Variants in GALNT13 observed in about 807,000 individuals in gnomAD.
GALNT13 encodes the protein polypeptide N-acetylgalactosaminyltransferase 13, also known as UDP-GalNAc:polypeptide N-acetylgalactosaminyltransferase 13.
A neutral mutation model predicts 64.2 loss-of-function variants in GALNT13; 28 were observed. The observed-to-expected ratio is 0.44, with a 90% CI of 0.32 to 0.60. The LOEUF is 0.60. Among genes scored for constraint, GALNT13 ranks in the 20% least tolerant of loss-of-function variants. GALNT13 has a pLI of 0.05. For missense variants in GALNT13, 577 were observed against 669.8 expected (o/e 0.86, Z 1.53); for synonymous variants, 214 against 224.6 (o/e 0.95, Z 0.42).
At chr2:153,196,572 A>G in the GALNT13 span, among the ~76,000 whole-genome samples, 1 of 151,928 alleles carries the variant, frequency 6.6e-6, no homozygotes, top group East Asian at 2.0e-4. Flanking sequence ...GAGATGCCTG[A>G]GTCCTGCACC....
chr2:154,033,238 C>T (rs1698454049), intron 3 of GALNT13, among the ~76,000 whole-genome samples: 1 of 151,752 alleles, frequency 6.6e-6, no homozygotes, highest in South Asian at 2.1e-4. Context: ...TGAAGAAATA[C>T]AATATTTGTA....
At chr2:153,260,430 T>C in the GALNT13 span, among the ~76,000 whole-genome samples, 1 of 152,226 alleles carries the variant, frequency 6.6e-6, no homozygotes, top group South Asian at 2.1e-4. Context: ...GGAAAGTCTT[T>C]ATTTCTCCTT....
chr2:153,718,413 G>C, the GALNT13 span, among the ~76,000 whole-genome samples: 1 of 150,620 alleles, frequency 6.6e-6, no homozygotes, highest in Non-Finnish European at 1.5e-5. Flanking sequence ...AAGCTTAAAG[G>C]GTTTTTTTTT....
At chr2:153,927,901 G>C (rs1444542520) in intron 2 of GALNT13, among the ~76,000 whole-genome samples, 2 of 152,056 alleles carry the variant, frequency 1.3e-5, no homozygotes, top group African/African-American at 4.8e-5. Flanking sequence ...TAAGAAAAGA[G>C]TGCATTTATT....
chr2:154,133,072 G>C (rs1021821141), intron 3 of GALNT13, among the ~76,000 whole-genome samples: 3 of 152,002 alleles, frequency 2.0e-5, no homozygotes, highest in Admixed American at 6.6e-5. Flanking sequence ...TATTGGCTTT[G>C]GCATATAACC....
the GALNT13 span, among the ~76,000 whole-genome samples, chr2:153,569,598 G>A: frequency 4.6e-5 from 7 of 151,852 alleles, no homozygotes; most frequent in South Asian, 1.5e-3. Context: ...TACATGAGAT[G>A]TTTTGATGCA....
chr2:153,243,648 G>C, the GALNT13 span, among the ~76,000 whole-genome samples: 2 of 152,346 alleles, frequency 1.3e-5, no homozygotes, highest in East Asian at 3.9e-4. Context: ...GCCTGGTTTA[G>C]AAAGTTAGAG....
the GALNT13 span, among the ~76,000 whole-genome samples, chr2:153,712,689 G>A: frequency 7.2e-5 from 11 of 152,204 alleles, no homozygotes; most frequent in East Asian, 1.9e-3. Flanking sequence ...AAATTCACAA[G>A]CAACTTTGAG....
At chr2:153,442,780 GCGGT>G in the GALNT13 span, among the ~76,000 whole-genome samples, 2 of 152,156 alleles carry the variant, frequency 1.3e-5, no homozygotes, top group African/African-American at 4.8e-5. Context: ...TCTGACTACA[GCGGT>G]TTTGCTGAGC....
chr2:153,716,444 A>C, the GALNT13 span, among the ~76,000 whole-genome samples: 2 of 152,128 alleles, frequency 1.3e-5, no homozygotes, highest in African/African-American at 2.4e-5. Flanking sequence ...AGTGTGGCCC[A>C]GGGAAACCAA....
chr2:154,026,688 C>T lies in GALNT13; in HGVS notation c.142+82049C>T, dbSNP rs188217654. ...GTAACAGTCCTGTTGGATTAGGGCC[C>T]CACTCTTATGACCTCATTTAACCTT... On this transcript the variant is annotated intron_variant, in intron 3 of 12. Coordinates refer to ENST00000392825, the MANE Select transcript of GALNT13 (RefSeq NM_052917.4). Among the ~76,000 whole-genome samples, 18 of 152,204 alleles carry T rather than the reference C, an allele frequency of 1.2e-4. No individual in the cohort carries two copies. The East Asian group carries it at 3.5e-3, about 29-fold the overall frequency.
At chr2:153,661,882 A>T in the GALNT13 span, among the ~76,000 whole-genome samples, 12 of 152,220 alleles carry the variant, frequency 7.9e-5, no homozygotes, top group Admixed American at 2.6e-4. Context: ...TTTCATCATA[A>T]GCATGTTGAT....
the GALNT13 span, among the ~76,000 whole-genome samples, chr2:153,136,131 T>G: frequency 2.6e-5 from 4 of 152,068 alleles, no homozygotes; most frequent in South Asian, 4.1e-4. Context: ...AACATTTACT[T>G]TTTCAGGAGA....
chr2:153,254,555 G>T, the GALNT13 span, among the ~76,000 whole-genome samples: 5 of 152,064 alleles, frequency 3.3e-5, no homozygotes, highest in African/African-American at 9.7e-5. Flanking sequence ...TTTTAATTGT[G>T]ATGTTAGGGG....
chr2:153,209,247 T>A, the GALNT13 span, among the ~76,000 whole-genome samples: 1 of 152,116 alleles, frequency 6.6e-6, no homozygotes, highest in Admixed American at 6.5e-5. Context: ...CCCAAAGTGC[T>A]GGGATTACAG....
Position 153,905,866 on chromosome 2 carries a change from A to G in GALNT13, c.-105+4859A>G, listed in dbSNP as rs141174477. Among the ~76,000 whole-genome samples, 682 of 152,066 alleles carry G rather than the reference A, an allele frequency of 4.5e-3. 4 individuals carry two copies. Among genetic ancestry groups the G allele is most frequent in the African/African-American group, 0.016 (649 of 41,524 alleles). Reference sequence around the variant, plus strand: ...TAATATAACGGTGACTTGAATACAAACACTGTGATAACTTTAGCAATCAAT... The same window carrying G: ...TAATATAACGGTGACTTGAATACAAGCACTGTGATAACTTTAGCAATCAAT... On this transcript the variant is annotated intron_variant, in intron 2 of 12. Coordinates refer to ENST00000392825, the MANE Select transcript of GALNT13 (RefSeq NM_052917.4).
At chr2:153,741,178 AT>A in the GALNT13 span, among the ~76,000 whole-genome samples, 4 of 150,806 alleles carry the variant, frequency 2.7e-5, no homozygotes, top group Admixed American at 6.6e-5. Context: ...TCACTATCGT[AT>A]TTTTTTTTCT....
chr2:153,705,971 A>G, the GALNT13 span, among the ~76,000 whole-genome samples: 1 of 152,016 alleles, frequency 6.6e-6, no homozygotes, highest in Admixed American at 6.6e-5. Context: ...CAAAATATAT[A>G]TGCTTTGTAT....
At chr2:154,192,193 A>G (rs1686627287) in intron 4 of GALNT13, among the ~76,000 whole-genome samples, 5 of 152,116 alleles carry the variant, frequency 3.3e-5, no homozygotes, top group Admixed American at 2.6e-4. Flanking sequence ...GTTTCTCTCC[A>G]CGTCCAGCCA....
Sources: allele counts gnomAD v4.1 joint callset (sites outside exome capture counted in the v4.1 genomes callset), GRCh38; gene constraint gnomAD v4.1.1; transcripts MANE v1.5; gene names NCBI Gene and HGNC (gene_info 2026-07-23, HGNC 2026-07-21).